CSMD3: variants seen among roughly 807,000 people sequenced by gnomAD.
CSMD3 encodes CUB and sushi domain-containing protein 3.
Under a neutral mutation model 435.2 loss-of-function variants are expected in CSMD3, and 177 were observed. That is an observed-to-expected ratio of 0.41 (90% CI 0.36 to 0.46). The LOEUF is 0.46. CSMD3 is among the 20% of genes least tolerant of loss of function. The pLI, the probability that CSMD3 is intolerant of heterozygous loss-of-function variation, is 0.34. For synonymous variants in CSMD3, 1,656 were observed against 1,520.5 expected (o/e 1.09, Z -2.07); for missense variants, 4,265 against 4,504.6 (o/e 0.95, Z 1.52).
chr8:113,018,374 A>C (rs1168016431), intron 6 of CSMD3, among the ~76,000 whole-genome samples: 1 of 151,988 alleles, frequency 6.6e-6, no homozygotes, highest in Admixed American at 6.6e-5. Flanking sequence ...AAAACAAAAA[A>C]CACAGATAAA....
intron 30 of CSMD3, among the ~76,000 whole-genome samples, chr8:112,494,496 TTTCTTTCTTTC>T (rs1563615130): frequency 0.13 from 11,506 of 91,604 alleles, 1,613 homozygotes; most frequent in Non-Finnish European, 0.14. Flanking sequence ...CTTTCTCTCC[TTTCTTTCTTTC>T]TTTCTTTCTT....
At chr8:112,547,396 T>A (rs970016629) in intron 27 of CSMD3, among the ~76,000 whole-genome samples, 7 of 151,140 alleles carry the variant, frequency 4.6e-5, no homozygotes, top group Middle Eastern at 3.4e-3. Flanking sequence ...AAAAAAAAAA[T>A]AAAAATTAGT....
chr8:113,333,200 T>C (rs2094041651), intron 1 of CSMD3, among the ~76,000 whole-genome samples: 1 of 151,672 alleles, frequency 6.6e-6, no homozygotes, highest in African/African-American at 2.4e-5. Context: ...CAGTTTGTGA[T>C]TTCCAAATAT....
intron 53 of CSMD3, among the ~76,000 whole-genome samples, chr8:112,297,154 A>G (rs1820377058): frequency 6.6e-6 from 1 of 151,268 alleles, no homozygotes; most frequent in Non-Finnish European, 1.5e-5. Context: ...AATGGGGAAA[A>G]TAATTCTTAT....
At chr8:112,488,264 C>T (rs892605369) in intron 31 of CSMD3, among the ~76,000 whole-genome samples, 4 of 152,050 alleles carry the variant, frequency 2.6e-5, no homozygotes, top group South Asian at 2.1e-4. Context: ...TGATTTGGTT[C>T]GGTTTGAGTT....
At chr8:112,498,326 A>T (rs1057458614) in intron 30 of CSMD3, among the ~76,000 whole-genome samples, 3 of 152,140 alleles carry the variant, frequency 2.0e-5, no homozygotes, top group African/African-American at 7.2e-5. Flanking sequence ...ATCTCTTTTT[A>T]AAAAATTACA....
Position 113,314,829 on chromosome 8 carries a change from T to C in CSMD3, c.179-36A>G, listed in dbSNP as rs187245935. On this transcript the variant is annotated intron_variant, in intron 1 of 70. Transcript: ENST00000297405. Reference sequence around the variant, plus strand: ...AGACAATAAACAGACATTAATATTATATAAATCAAGAACAATCCATGAGAT... The same window carrying C: ...AGACAATAAACAGACATTAATATTACATAAATCAAGAACAATCCATGAGAT... The C allele has an allele frequency of 3.8e-3, 4,877 of 1,292,366 alleles. 25 individuals carry two copies. Among genetic ancestry groups the C allele is most frequent in the Middle Eastern group, 0.022 (115 of 5,304 alleles). The allele number at this position is 1,292,366 out of a possible 1,614,324, so 80.1% of individuals were successfully genotyped here.
At chr8:112,562,160 A>G (rs1043267350) in intron 24 of CSMD3, among the ~76,000 whole-genome samples, 1 of 151,650 alleles carries the variant, frequency 6.6e-6, no homozygotes, top group Non-Finnish European at 1.5e-5. Context: ...TTGGCTTACT[A>G]AAAGATAAAT....
chr8:113,163,462 A>C (rs2092084791), intron 4 of CSMD3, among the ~76,000 whole-genome samples: 1 of 152,026 alleles, frequency 6.6e-6, no homozygotes, highest in Non-Finnish European at 1.5e-5. Context: ...AAGTTATTAG[A>C]AATTAGTGCT....
intron 27 of CSMD3, among the ~76,000 whole-genome samples, chr8:112,533,353 C>A (rs1462732095): frequency 6.6e-6 from 1 of 151,732 alleles, no homozygotes; most frequent in Non-Finnish European, 1.5e-5. Context: ...AAATAAGACC[C>A]AAATATATGC....
chr8:112,814,675 G>C (rs535849053), intron 12 of CSMD3, among the ~76,000 whole-genome samples: 2 of 152,052 alleles, frequency 1.3e-5, no homozygotes, highest in Non-Finnish European at 2.9e-5. Context: ...CCCAGCTACT[G>C]GGGGGCTGAG....
At chr8:113,097,486 A>G (rs910394706) in intron 5 of CSMD3, among the ~76,000 whole-genome samples, 5 of 151,940 alleles carry the variant, frequency 3.3e-5, no homozygotes, top group African/African-American at 1.2e-4. Context: ...TCCAGGACTT[A>G]TATGTTGTTA....
chr8:113,247,625 G>C (rs2093289164), intron 3 of CSMD3, among the ~76,000 whole-genome samples: 1 of 152,038 alleles, frequency 6.6e-6, no homozygotes, highest in African/African-American at 2.4e-5. Flanking sequence ...CCTTTATGAG[G>C]AGTAGATTTC....
intron 27 of CSMD3, among the ~76,000 whole-genome samples, chr8:112,549,912 T>C (rs1024230346): frequency 6.6e-6 from 1 of 152,042 alleles, no homozygotes; most frequent in African/African-American, 2.4e-5. Context: ...CATTGACACA[T>C]TTCTGTTAAT....
chr8:112,702,598 G>C (rs1587011397), intron 13 of CSMD3, among the ~76,000 whole-genome samples: 1 of 151,914 alleles, frequency 6.6e-6, no homozygotes, highest in African/African-American at 2.4e-5. Flanking sequence ...CGGGGTGGGG[G>C]GTAAAGACTG....
chr8:112,745,796 A>T (rs1216441323), intron 13 of CSMD3, among the ~76,000 whole-genome samples: 2 of 152,024 alleles, frequency 1.3e-5, no homozygotes, highest in Non-Finnish European at 2.9e-5. Flanking sequence ...GCCCCTAGAT[A>T]ATGTAGGGTA....
intron 12 of CSMD3, among the ~76,000 whole-genome samples, chr8:112,828,490 T>C (rs1382533710): frequency 6.6e-6 from 1 of 151,848 alleles, no homozygotes; most frequent in Admixed American, 6.6e-5. Flanking sequence ...TGCCACCATC[T>C]CTCTCTCTCT....
intron 6 of CSMD3, among the ~76,000 whole-genome samples, chr8:112,994,296 A>G (rs2085563290): frequency 6.6e-6 from 1 of 151,908 alleles, no homozygotes; most frequent in Admixed American, 6.6e-5. Flanking sequence ...TGTCCAACTC[A>G]ATGAACATGT....
At chr8:113,363,021 T>A (rs72670785) in intron 1 of CSMD3, among the ~76,000 whole-genome samples, 1 of 152,314 alleles carries the variant, frequency 6.6e-6, no homozygotes, top group Non-Finnish European at 1.5e-5. Context: ...TCTGCTACCA[T>A]TTTCCTCACA....
Sources: gnomAD v4.1 joint callset for allele counts (sites outside exome capture counted in the v4.1 genomes callset) on GRCh38, gnomAD v4.1.1 for gene constraint, MANE v1.5 for transcripts, NCBI Gene and HGNC (gene_info 2026-07-23, HGNC 2026-07-21) for gene names.